Variants in SH3RF3 observed in about 807,000 individuals in gnomAD.
The protein encoded by SH3RF3 is E3 ubiquitin-protein ligase SH3RF3.
A neutral mutation model predicts 66.3 loss-of-function variants in SH3RF3; 29 were observed. The ratio of observed to expected loss-of-function variants is 0.44; its 90% CI spans 0.33 to 0.60. The LOEUF is 0.60. Ranked by LOEUF, SH3RF3 falls within the 20% of genes least tolerant of loss-of-function variation. The pLI is 0.04. For synonymous variants in SH3RF3, 583 were observed against 532.0 expected, an observed-to-expected ratio of 1.10 and a Z score of -1.32; for missense variants, 1,194 against 1,190.9, an observed-to-expected ratio of 1.00 and a Z score of -0.04.
At chr2:109,240,624 G>A (rs1214067614) in intron 1 of SH3RF3, among the ~76,000 whole-genome samples, 1 of 152,124 alleles carries the variant, frequency 6.6e-6, no homozygotes, top group Non-Finnish European at 1.5e-5. Context: ...CAAACCTTCA[G>A]CTTCTCTAAT....
In SH3RF3 at chr2:109,419,404, C is replaced by T. The variant is rs114104803; in HGVS notation, c.1300-135C>T. 1.3e-4 allele frequency: 109 copies of T among 866,482 alleles called. No individual in the cohort carries two copies. The African/African-American group carries it at 1.5e-3, about 12-fold the overall frequency. The allele number at this position is 866,482 out of a possible 1,614,324, so 53.7% of individuals were successfully genotyped here. On this transcript the variant is annotated intron_variant, in intron 4 of 9. Coordinates refer to ENST00000309415, the MANE Select transcript of SH3RF3 (RefSeq NM_001099289.3). ...CCTCCCATGACAGTCCAGGTAGGCA[C>T]AGCACGTTGGAGGCCAAACAGCCAG...
At chr2:109,389,266 G>C (rs6542821) in intron 3 of SH3RF3, among the ~76,000 whole-genome samples, 79,269 of 152,108 alleles carry the variant, frequency 0.52, 21,118 homozygotes, top group South Asian at 0.61. Context: ...GCCAGGCCCC[G>C]CTCCTTGTGC....
At position 109,206,607 on chromosome 2, in the gene SH3RF3, A is replaced by G. The variant is rs1678847200; in HGVS notation, c.573+76494A>G. On this transcript the variant is annotated intron_variant, in intron 1 of 9. Coordinates refer to ENST00000309415, the MANE Select transcript of SH3RF3 (RefSeq NM_001099289.3). ...GAGGATAGCTTGAGGCTGGAGTTCA[A>G]GACCAGCCTGGGAAACATAAGTAAG... Among the ~76,000 whole-genome samples the G allele has an allele frequency of 2.0e-5, 3 of 152,028 alleles. No homozygotes were observed. In the South Asian group the frequency reaches 6.2e-4, roughly 32 times the overall value.
At chr2:109,433,322 A>G (rs951678919) in intron 6 of SH3RF3, among the ~76,000 whole-genome samples, 1 of 152,224 alleles carries the variant, frequency 6.6e-6, no homozygotes, top group African/African-American at 2.4e-5. Context: ...TTGTGGTAAT[A>G]TATTTTTTTC....
At chr2:109,396,688 C>T (rs556588835) in intron 3 of SH3RF3, among the ~76,000 whole-genome samples, 2 of 152,234 alleles carry the variant, frequency 1.3e-5, no homozygotes, top group Admixed American at 6.5e-5. Flanking sequence ...ACCAGGCTGA[C>T]GTCAGACTTG....
intron 5 of SH3RF3, among the ~76,000 whole-genome samples, chr2:109,427,077 T>A (rs1266253585): frequency 6.6e-6 from 1 of 152,144 alleles, no homozygotes; most frequent in Non-Finnish European, 1.5e-5. Flanking sequence ...CAAGCGATTC[T>A]CTGGCCCTAG....
chr2:109,351,391 A>G (rs1682834207), intron 2 of SH3RF3, among the ~76,000 whole-genome samples: 2 of 152,258 alleles, frequency 1.3e-5, no homozygotes, highest in Admixed American at 6.5e-5. Context: ...TGAGAACCAC[A>G]TGATATAAAT....
chr2:109,315,372 A>G lies in SH3RF3; in HGVS notation c.574-32302A>G, dbSNP rs141425510. On this transcript the variant is annotated intron_variant, in intron 1 of 9. Coordinates refer to ENST00000309415, the MANE Select transcript of SH3RF3 (RefSeq NM_001099289.3). ...AGTGCTTTGTTCATTGAGTCTTGCA[A>G]CTCCATTAGTGATTCAAAACAAAGT... Among the ~76,000 whole-genome samples the G allele has an allele frequency of 2.6e-3, 389 of 152,248 alleles. 1 individual carries two copies. The highest frequency in any genetic ancestry group is 8.9e-3 in the African/African-American group (370 of 41,540).
intron 4 of SH3RF3, among the ~76,000 whole-genome samples, chr2:109,405,811 C>T (rs1268889878): frequency 6.6e-6 from 1 of 152,262 alleles, no homozygotes; most frequent in Non-Finnish European, 1.5e-5. Flanking sequence ...TCCCCCCTTC[C>T]TCCCTGGGCT....
intron 5 of SH3RF3, among the ~76,000 whole-genome samples, chr2:109,425,549 A>C (rs1426279520): frequency 6.6e-6 from 1 of 152,338 alleles, no homozygotes; most frequent in East Asian, 1.9e-4. Flanking sequence ...TTCATTTGCC[A>C]TTCCGAGAAC....
At chr2:109,207,538 G>A (rs765153401) in intron 1 of SH3RF3, among the ~76,000 whole-genome samples, 2 of 152,158 alleles carry the variant, frequency 1.3e-5, no homozygotes, top group South Asian at 4.1e-4. Context: ...TGGTAAAACA[G>A]TGTTTCTCTT....
At chr2:109,196,711 G>A (rs528695877) in intron 1 of SH3RF3, among the ~76,000 whole-genome samples, 4 of 152,290 alleles carry the variant, frequency 2.6e-5, no homozygotes, top group South Asian at 2.1e-4. Context: ...GCTGGTGTGT[G>A]CCTCCTCCCG....
rs146400474 is a variant in SH3RF3, at chr2:109,371,468, C to G, written c.850-118C>G. 1,933 of 756,420 alleles carry G rather than the reference C, an allele frequency of 2.6e-3. 5 individuals are homozygous for G. Among genetic ancestry groups the G allele is most frequent in the Admixed American group, 3.7e-3 (173 of 47,164 alleles). 46.9% of individuals were successfully genotyped at this position (756,420 alleles called of 1,614,324 possible). ...ATACCTGAATGGATAATGCACTCTT[C>G]TTGAACTCATTCCTTGGAATCTCTT... On this transcript the variant is annotated intron_variant, in intron 2 of 9. Transcript: ENST00000309415.
chr2:109,453,911 G>A (rs558607606), intron 8 of SH3RF3, among the ~76,000 whole-genome samples: 180 of 152,306 alleles, frequency 1.2e-3, no homozygotes, highest in African/African-American at 4.1e-3. Context: ...GACATGGCCC[G>A]AAGATGAGGG....
At position 109,417,443 on chromosome 2, in the gene SH3RF3, G is replaced by A. The variant is rs144296146; in HGVS notation, c.1300-2096G>A. On this transcript the variant is annotated intron_variant, in intron 4 of 9. Transcript: ENST00000309415. ...AGACAGAAGACCCTGGAATCCATCC[G>A]TGGGAAGGAATGCCCCCTTCCAGCC... 5.3e-5 allele frequency among the ~76,000 whole-genome samples: 8 copies of A among 152,260 alleles called. No homozygotes were observed. The Middle Eastern group carries it at 0.01, about 194-fold the overall frequency.
At chr2:109,273,226 CT>C (rs1251365379) in intron 1 of SH3RF3, among the ~76,000 whole-genome samples, 1 of 152,236 alleles carries the variant, frequency 6.6e-6, no homozygotes, top group African/African-American at 2.4e-5. Context: ...GCACAGTCGT[CT>C]GTTCAGTGCT....
At chr2:109,482,157 G>A (rs1371366347) in intron 8 of SH3RF3, among the ~76,000 whole-genome samples, 2 of 152,134 alleles carry the variant, frequency 1.3e-5, no homozygotes, top group Admixed American at 6.5e-5. Flanking sequence ...TGTGTCTCTT[G>A]TTCAGCATCT....
At chr2:109,193,843 C>T (rs916141599) in intron 1 of SH3RF3, among the ~76,000 whole-genome samples, 1 of 152,172 alleles carries the variant, frequency 6.6e-6, no homozygotes, top group African/African-American at 2.4e-5. Flanking sequence ...ATTTAAGTCT[C>T]GTCTAGCCCC....
chr2:109,329,202 T>C (rs1418596556), intron 1 of SH3RF3, among the ~76,000 whole-genome samples: 1 of 152,214 alleles, frequency 6.6e-6, no homozygotes, highest in Non-Finnish European at 1.5e-5. Context: ...CTCAGCCTTC[T>C]CCTGGTTTTC....
Sources: gnomAD v4.1 joint callset for allele counts (sites outside exome capture counted in the v4.1 genomes callset) on GRCh38, gnomAD v4.1.1 for gene constraint, MANE v1.5 for transcripts, NCBI Gene and HGNC (gene_info 2026-07-23, HGNC 2026-07-21) for gene names.